Variants in NUP153 observed in about 807,000 individuals in gnomAD.
NUP153 encodes the protein nuclear pore complex protein Nup153.
In NUP153, 27 loss-of-function variants were observed where a neutral mutation model predicts 134.6. That is an observed-to-expected ratio of 0.20 (90% CI 0.15 to 0.28). NUP153 has a LOEUF of 0.28. Ranked by LOEUF, NUP153 falls within the 10% of genes least tolerant of loss-of-function variation. NUP153 has a pLI of 1.00. For missense variants in NUP153, 1,821 were observed against 1,731.3 expected (o/e 1.05, Z -0.92); for synonymous variants, 640 against 623.5 (o/e 1.03, Z -0.40).
Position 17,706,873 on chromosome 6 carries a change from C to T in NUP153, c.-486G>A. 6.0e-6 allele frequency: 1 copy of T among 167,048 alleles called. No individual in the cohort carries two copies. Among genetic ancestry groups the T allele is most frequent in the South Asian group, 1.2e-4 (1 of 8,252 alleles). 10.3% of individuals were successfully genotyped at this position (167,048 alleles called of 1,614,324 possible). A position where few individuals can be genotyped will look rare whatever the true frequency, so the allele number is the denominator to read the frequency against. On this transcript the variant is annotated 5_prime_UTR_variant, in exon 1 of 22. Transcript: ENST00000262077. This position sits in a 1 kb window ranked among gnomAD's most constrained non-coding sequence, Gnocchi z 5.9. Reference sequence around the variant, plus strand: ...GTCGTCGTCCCTGCAGCCTCCGCCGCCGTTGCGCCTATTACCCCTGCTAAG... The same window carrying T: ...GTCGTCGTCCCTGCAGCCTCCGCCGTCGTTGCGCCTATTACCCCTGCTAAG...
At position 17,646,433 on chromosome 6, in the gene NUP153, A is replaced by C. The variant is rs1346099848; in HGVS notation, c.1633-279T>G. ...GTGTTAGCCAGGATGGTCTCGATCT[A>C]CTGACCTTGTGATCCGCCCGCCTCG... On this transcript the variant is annotated intron_variant, in intron 13 of 21. Coordinates refer to ENST00000262077, the MANE Select transcript of NUP153 (RefSeq NM_005124.4). Among the ~76,000 whole-genome samples, 4 of 152,028 alleles carry C rather than the reference A, an allele frequency of 2.6e-5. 1 individual carries two copies. Among genetic ancestry groups the C allele is most frequent in the Admixed American group, 6.6e-5 (1 of 15,266 alleles).
At chr6:17,627,059 T>G (rs1333734194) in intron 18 of NUP153, among the ~76,000 whole-genome samples, 2 of 152,236 alleles carry the variant, frequency 1.3e-5, no homozygotes, top group East Asian at 3.8e-4. Flanking sequence ...TGAAGATTTT[T>G]TTCTAAACTA....
intron 1 of NUP153, among the ~76,000 whole-genome samples, chr6:17,694,552 G>A (rs927084973): frequency 1.3e-5 from 2 of 151,950 alleles, no homozygotes; most frequent in African/African-American, 2.4e-5. Flanking sequence ...AGCTACTCAG[G>A]AGGCTGAGGG....
At chr6:17,634,423 T>A (rs1765414743) in intron 16 of NUP153, among the ~76,000 whole-genome samples, 1 of 150,066 alleles carries the variant, frequency 6.7e-6, no homozygotes, top group African/African-American at 2.4e-5. Flanking sequence ...AAAGGGTGTA[T>A]CCAAAGGCCT....
intron 1 of NUP153, among the ~76,000 whole-genome samples, chr6:17,695,860 T>C (rs1769605421): frequency 1.3e-5 from 2 of 151,982 alleles, no homozygotes; most frequent in Admixed American, 1.3e-4. Context: ...ATACAAAAAA[T>C]TAGCTGGACA....
At chr6:17,660,187 A>C (rs1304266417) in intron 11 of NUP153, among the ~76,000 whole-genome samples, 2 of 152,264 alleles carry the variant, frequency 1.3e-5, no homozygotes, top group Non-Finnish European at 1.5e-5. Flanking sequence ...GAAGAAATCT[A>C]AGACATCCAA....
At chr6:17,659,446 A>C (rs904464085) in intron 11 of NUP153, among the ~76,000 whole-genome samples, 2 of 152,166 alleles carry the variant, frequency 1.3e-5, no homozygotes, top group Non-Finnish European at 2.9e-5. Context: ...TTATTTACAC[A>C]AGGTAAGACA....
intron 5 of NUP153, among the ~76,000 whole-genome samples, 192 bp downstream of exon 5, chr6:17,674,713 T>C (rs1438994404): frequency 6.6e-6 from 1 of 152,040 alleles, no homozygotes; most frequent in Non-Finnish European, 1.5e-5. Flanking sequence ...GAGGTTGCAG[T>C]GTGGTCCGAG....
At chr6:17,632,262 C>A (rs1765292137) in intron 17 of NUP153, among the ~76,000 whole-genome samples, 2 of 152,014 alleles carry the variant, frequency 1.3e-5, no homozygotes, top group Non-Finnish European at 2.9e-5. Flanking sequence ...GATCGCGCCC[C>A]CGTACTCCAG....
At chr6:17,676,427 T>C (rs17391510) in intron 2 of NUP153, among the ~76,000 whole-genome samples, 1,895 of 33,182 alleles carry the variant, frequency 0.057, 12 homozygotes, top group Non-Finnish European at 0.083. Context: ...GTTTTAAATA[T>C]TATGCTTTAG....
At chr6:17,647,940 A>G (rs1290331515) in intron 12 of NUP153, 35 bp from the exon 13 acceptor site, 1 of 1,307,534 alleles carries the variant, frequency 7.6e-7, no homozygotes, top group Non-Finnish European at 1.1e-6. Context: ...TGATACAAAA[A>G]GAGCTTTTTA....
At chr6:17,664,953 T>C (rs1426192884) in intron 9 of NUP153, among the ~76,000 whole-genome samples, 4 of 148,262 alleles carry the variant, frequency 2.7e-5, no homozygotes, top group African/African-American at 1.0e-4. Flanking sequence ...CTCGGGGGGC[T>C]GAAGCAGGAG....
chr6:17,694,695 G>C (rs1769519929), intron 1 of NUP153, among the ~76,000 whole-genome samples: 1 of 151,422 alleles, frequency 6.6e-6, no homozygotes, highest in Non-Finnish European at 1.5e-5. Flanking sequence ...TAAAGGATGG[G>C]GCTGGGGCCA....
At chr6:17,660,475 A>G (rs1169583218) in intron 11 of NUP153, among the ~76,000 whole-genome samples, 1 of 152,110 alleles carries the variant, frequency 6.6e-6, no homozygotes, top group Non-Finnish European at 1.5e-5. Flanking sequence ...TAATGTAACC[A>G]ATCTTAAATC....
intron 14 of NUP153, among the ~76,000 whole-genome samples, chr6:17,642,023 G>C (rs1676186767): frequency 6.6e-6 from 1 of 151,592 alleles, no homozygotes; most frequent in Non-Finnish European, 1.5e-5. Flanking sequence ...AATTTAAAAA[G>C]TAGTAGGTAA....
intron 15 of NUP153, 105 bp from the exon 16 acceptor site, chr6:17,637,875 C>T (rs1765642196): frequency 2.5e-5 from 31 of 1,243,102 alleles, no homozygotes; most frequent in Non-Finnish European, 3.4e-5. Flanking sequence ...TGCACACTTA[C>T]TACAATCCAA....
chr6:17,650,367 A>G (rs1766438795), intron 11 of NUP153, among the ~76,000 whole-genome samples: 1 of 152,186 alleles, frequency 6.6e-6, no homozygotes. Context: ...GAGCCACAGA[A>G]AGGGAACCTC....
In NUP153 at chr6:17,675,857, C is replaced by T; in HGVS notation, c.335-87G>A. ...GTTTTTACTTTAAGAAAACACATTACAGTATATAATAGCTTCAATTCAAAT... is the reference window on the plus strand; with the variant it reads ...GTTTTTACTTTAAGAAAACACATTATAGTATATAATAGCTTCAATTCAAAT... On this transcript the variant is annotated intron_variant, in intron 2 of 21. Coordinates refer to ENST00000262077, the MANE Select transcript of NUP153 (RefSeq NM_005124.4). The surrounding 1 kb of genome is among the most constrained non-coding windows in gnomAD (Gnocchi z 4.4). The T allele has an allele frequency of 3.2e-6, 4 of 1,255,820 alleles. No homozygotes were observed. Among genetic ancestry groups the T allele is most frequent in the Non-Finnish European group, 4.6e-6 (4 of 861,666 alleles). 77.8% of individuals were successfully genotyped at this position (1,255,820 alleles called of 1,614,324 possible). A position where few individuals can be genotyped will look rare whatever the true frequency, so the allele number is the denominator to read the frequency against.
rs139958213 is a variant in NUP153, at chr6:17,675,962, AT to A, written c.335-193del. Among the ~76,000 whole-genome samples, 487 of 152,320 alleles carry A rather than the reference AT, an allele frequency of 3.2e-3. 2 individuals are homozygous for A. The highest frequency in any genetic ancestry group is 0.011 in the African/African-American group (462 of 41,582). Reference sequence around the variant, plus strand: ...TTTCAACTAACTAAAATTAATTTAAATAAGAGCTAATTTTTTTAAACCAGTA... The same window carrying A: ...TTTCAACTAACTAAAATTAATTTAAAAAGAGCTAATTTTTTTAAACCAGTA... On this transcript the variant is annotated intron_variant, in intron 2 of 21. Coordinates refer to ENST00000262077, the MANE Select transcript of NUP153 (RefSeq NM_005124.4). This position sits in a 1 kb window ranked among gnomAD's most constrained non-coding sequence, Gnocchi z 4.4.
Sources: allele counts gnomAD v4.1 joint callset (sites outside exome capture counted in the v4.1 genomes callset), GRCh38; gene constraint gnomAD v4.1.1; non-coding constraint Gnocchi (gnomAD v3.1); transcripts MANE v1.5; gene names NCBI Gene and HGNC (gene_info 2026-07-23, HGNC 2026-07-21).